Variants in MASP1 observed in about 807,000 individuals in gnomAD.
The protein encoded by MASP1 is mannan-binding lectin serine protease 1.
Under a neutral mutation model 77.1 loss-of-function variants are expected in MASP1, and 59 were observed. The observed-to-expected ratio is 0.77, with a 90% CI of 0.62 to 0.95. The LOEUF is 0.95. Among genes scored for constraint, MASP1 ranks in the 40% least tolerant of loss-of-function variants. The pLI, the probability that MASP1 is intolerant of heterozygous loss-of-function variation, is 0.00. For missense variants in MASP1, 885 were observed against 912.9 expected (o/e 0.97, Z 0.39); for synonymous variants, 362 against 354.5 (o/e 1.02, Z -0.24).
At chr3:187,218,802 TGA>T (rs1711879076) in exon 16 of MASP1, 1 of 152,244 alleles carries the variant, frequency 6.6e-6, no homozygotes, top group African/African-American at 2.4e-5. Flanking sequence ...AGAAGCTTCC[TGA>T]GAGAGGATGG....
intron 1 of MASP1, among the ~76,000 whole-genome samples, chr3:187,289,766 G>C (rs772070304): frequency 4.6e-5 from 7 of 152,156 alleles, no homozygotes. Context: ...CCTGAACTTG[G>C]AGCCCGAAGA....
downstream of MASP1, among the ~76,000 whole-genome samples, chr3:187,230,393 C>A (rs1032141356): frequency 1.3e-5 from 2 of 152,192 alleles, no homozygotes; most frequent in Admixed American, 6.5e-5. Flanking sequence ...AGATTGCACC[C>A]TAATAGTTGA....
chr3:187,221,598 C>G (rs892522628), intron 14 of MASP1, among the ~76,000 whole-genome samples: 3 of 152,166 alleles, frequency 2.0e-5, no homozygotes, highest in Non-Finnish European at 2.9e-5. Flanking sequence ...ATTTGATATA[C>G]TAATCATTGT....
At chr3:187,242,512 A>T (rs190858137) in intron 9 of MASP1, 1,930 of 152,634 alleles carry the variant, frequency 0.013, 22 homozygotes, top group Non-Finnish European at 0.019. Context: ...ACCCTGTCTC[A>T]AAAACAAAAA....
intron 8 of MASP1, chr3:187,246,992 A>G (rs1284400763): frequency 8.2e-7 from 1 of 1,219,498 alleles, no homozygotes; most frequent in Non-Finnish European, 1.0e-6. Flanking sequence ...CTGAGGCCAC[A>G]TGGTTGTATA....
downstream of MASP1, chr3:187,233,937 T>A (rs1185051366): frequency 6.8e-6 from 3 of 442,048 alleles, no homozygotes; most frequent in African/African-American, 4.1e-5. Context: ...CCTCATTACC[T>A]CTTGGATAAT....
exon 16 of MASP1, chr3:187,218,281 C>G (rs1711862690): frequency 6.6e-6 from 1 of 152,284 alleles, no homozygotes; most frequent in African/African-American, 2.4e-5. Context: ...ATGATACTCT[C>G]TTCATCTAGG....
chr3:187,268,425 T>A lies in MASP1; in HGVS notation c.238-5705A>T, dbSNP rs146098280. On this transcript the variant is annotated intron_variant, in intron 2 of 10. Coordinates refer to ENST00000296280, the MANE Select transcript of MASP1 (RefSeq NM_139125.4). ...TCACTTGAGCTTGGGAGGTTGAAGC[T>A]GCAGTGAGCCACGATCATGCCACTA... Among the ~76,000 whole-genome samples, 1,139 of 150,802 alleles carry A rather than the reference T, an allele frequency of 7.6e-3. 31 individuals carry two copies. The highest frequency in any genetic ancestry group is 0.038 in the South Asian group (181 of 4,768).
At position 187,243,522 on chromosome 3, in the gene MASP1, C is replaced by T. The variant is rs1030219579; in HGVS notation, c.1190G>A (p.Cys397Tyr). The change falls in exon 9 of 11, where the codon TGT becomes TAT. Residue 397 changes from cysteine to tyrosine, a missense_variant. Transcript: ENST00000296280. ...GAGCATCTTGTAATAGGGCTCCTGA[C>T]AGGAGTATTTGATCTCAGACTTGTA... ...TTYKSEIKYS[C>Y]QEPYYKMLNN... is the part of the protein sequence containing the mutation. 2.5e-6 allele frequency: 4 copies of T among 1,614,116 alleles called. No homozygotes were observed. Among genetic ancestry groups the T allele is most frequent in the Admixed American group, 1.7e-5 (1 of 60,026 alleles).
At chr3:187,245,193 T>C (rs930488097) in intron 8 of MASP1, among the ~76,000 whole-genome samples, 6 of 152,342 alleles carry the variant, frequency 3.9e-5, no homozygotes, top group South Asian at 2.1e-4. Flanking sequence ...AATGAGGCAA[T>C]AATATTTATT....
chr3:187,281,200 A>C (rs1439178293), intron 2 of MASP1, among the ~76,000 whole-genome samples: 1 of 152,236 alleles, frequency 6.6e-6, no homozygotes. Context: ...AGTCTTGAAG[A>C]CCAAGAACTG....
At chr3:187,224,374 T>C (rs940963735) in intron 13 of MASP1, among the ~76,000 whole-genome samples, 6 of 132,754 alleles carry the variant, frequency 4.5e-5, no homozygotes, top group African/African-American at 1.8e-4. Context: ...TGAGACGGAG[T>C]CTCGCTCTGT....
At chr3:187,271,445 A>C (rs1049817887) in intron 2 of MASP1, among the ~76,000 whole-genome samples, 2 of 152,248 alleles carry the variant, frequency 1.3e-5, no homozygotes, top group African/African-American at 4.8e-5. Flanking sequence ...TTAACTTCTA[A>C]ATACAAGGCA....
At chr3:187,221,460 T>C (rs1208781317) in intron 14 of MASP1, among the ~76,000 whole-genome samples, 2 of 152,222 alleles carry the variant, frequency 1.3e-5, no homozygotes, top group East Asian at 1.9e-4. Context: ...AATAGGACAA[T>C]GTATACAAAA....
At chr3:187,232,392 A>G (rs1712821654), downstream of MASP1, among the ~76,000 whole-genome samples, 1 of 152,092 alleles carries the variant, frequency 6.6e-6, no homozygotes, top group Non-Finnish European at 1.5e-5. Context: ...ACTTCAAATC[A>G]GTGTCTTTAA....
chr3:187,235,984 CT>C lies in MASP1; in HGVS notation c.1886del (p.Glu629GlyfsTer46). The C allele has an allele frequency of 6.2e-7, 1 of 1,614,248 alleles. No homozygotes were observed. The highest frequency in any genetic ancestry group is 8.5e-7 in the Non-Finnish European group (1 of 1,180,044). ...YVKLPVVPHA[E>X]CKTSYESRSG... ...AGCGGGACTCATAGCTAGTTTTGCA[CT>C]CAGCGTGAGGCACCACGGGTAACTT... is the stretch of plus-strand genomic sequence containing the variant. On this transcript the variant is annotated frameshift_variant, in exon 11 of 11. Transcript: ENST00000296280. LOFTEE classifies it high-confidence loss of function.
Position 187,253,192 on chromosome 3 carries a change from A to G in MASP1, c.868T>C (p.Trp290Arg). 1 of 1,614,152 alleles carries G rather than the reference A, an allele frequency of 6.2e-7. No homozygotes were observed. Among genetic ancestry groups the G allele is most frequent in the East Asian group, 2.2e-5 (1 of 44,874 alleles). The change falls in exon 6 of 11, where the codon TGG becomes CGG. Residue 290 changes from tryptophan (W) to arginine (R), a missense_variant. By Grantham distance (101) the Trp-to-Arg change is moderately radical (BLOSUM62 -3). Transcript: ENST00000296280. Reference protein sequence around the residue: ...HSDNSGENRGWRLSYRAAGNE... With the variant: ...HSDNSGENRGRRLSYRAAGNE... ...CCTGCAGCCCTGTATGAGAGCCTCC[A>G]GCCCCGGTTCTCTCCCGAGTTGTCA...
chr3:187,247,450 GAGAA>G, intron 8 of MASP1: 1 of 1,564,682 alleles, frequency 6.4e-7, no homozygotes. Flanking sequence ...GAGAGAGGAA[GAGAA>G]AGAGAGAGAG....
At chr3:187,238,252 C>T (rs1713335532) in intron 10 of MASP1, among the ~76,000 whole-genome samples, 1 of 152,190 alleles carries the variant, frequency 6.6e-6, no homozygotes, top group African/African-American at 2.4e-5. Flanking sequence ...TCTGGAGAGA[C>T]CTTGGAGAAC....
Sources: gnomAD v4.1 joint callset for allele counts (sites outside exome capture counted in the v4.1 genomes callset) on GRCh38, gnomAD v4.1.1 for gene constraint, MANE v1.5 for transcripts, NCBI Gene and HGNC (gene_info 2026-07-23, HGNC 2026-07-21) for gene names.